SLC22A23: variants seen among roughly 807,000 people sequenced by gnomAD.
The protein encoded by SLC22A23 is ion transporter protein.
Under a neutral mutation model 61.0 loss-of-function variants are expected in SLC22A23, and 26 were observed. The observed-to-expected ratio is 0.43, with a 90% CI of 0.31 to 0.59. The LOEUF (loss-of-function observed/expected upper bound fraction) is 0.59, where lower values mean the gene tolerates loss of function less well. Ranked by LOEUF, SLC22A23 falls within the 20% of genes least tolerant of loss-of-function variation. The probability of loss-of-function intolerance (pLI) is 0.11; values close to 1 mark genes in which losing one functional copy is unlikely to be tolerated. For missense variants in SLC22A23, 796 were observed against 934.7 expected (o/e 0.85, Z 1.94); for synonymous variants, 430 against 413.9 (o/e 1.04, Z -0.47).
chr6:3,327,629 C>T lies in SLC22A23; in HGVS notation c.914-3627G>A, dbSNP rs1361314007. On this transcript the variant is annotated intron_variant, in intron 3 of 9. Transcript: ENST00000406686. This position sits in a 1 kb window ranked among gnomAD's most constrained non-coding sequence, Gnocchi z 4.1. ...TCAGTCAGTTAGGAGTTCTGTGCCT[C>T]AGTTTTTTTGTCTGCAAAATGGGGT... Among the ~76,000 whole-genome samples, 3 of 152,122 alleles carry T rather than the reference C, an allele frequency of 2.0e-5. No individual in the cohort carries two copies. The highest frequency in any genetic ancestry group is 7.2e-5 in the African/African-American group (3 of 41,414).
At chr6:3,346,781 A>G (rs1161993785) in intron 3 of SLC22A23, among the ~76,000 whole-genome samples, 2 of 152,100 alleles carry the variant, frequency 1.3e-5, no homozygotes, top group Non-Finnish European at 2.9e-5. Context: ...GCTCAGTCCT[A>G]CTAGAAATAG....
chr6:3,423,262 C>G (rs1467160509), intron 1 of SLC22A23, among the ~76,000 whole-genome samples: 1 of 151,314 alleles, frequency 6.6e-6, no homozygotes, highest in African/African-American at 2.4e-5. Context: ...GTAGGATTAT[C>G]TCTGAGGGAA....
At position 3,328,861 on chromosome 6, in the gene SLC22A23, G is replaced by A. The variant is rs1282876623; in HGVS notation, c.914-4859C>T. 1.3e-5 allele frequency among the ~76,000 whole-genome samples: 2 copies of A among 151,892 alleles called. No individual in the cohort carries two copies. The highest frequency in any genetic ancestry group is 2.9e-5 in the Non-Finnish European group (2 of 68,002). On this transcript the variant is annotated intron_variant, in intron 3 of 9. Coordinates refer to ENST00000406686, the MANE Select transcript of SLC22A23 (RefSeq NM_015482.2). This position sits in a 1 kb window ranked among gnomAD's most constrained non-coding sequence, Gnocchi z 5.0. ...CTGCCCATCACACAGGCTCACACGA[G>A]GCCTCCCGTGAAGCCCATCTCCGAA...
At chr6:3,341,329 T>G (rs1181681264) in intron 3 of SLC22A23, among the ~76,000 whole-genome samples, 1 of 152,246 alleles carries the variant, frequency 6.6e-6, no homozygotes, top group Admixed American at 6.5e-5. Flanking sequence ...CAAAAGATTT[T>G]GTTCCAAAAG....
chr6:3,307,997 C>T (rs945313772), intron 4 of SLC22A23, among the ~76,000 whole-genome samples: 15 of 152,140 alleles, frequency 9.9e-5, no homozygotes, highest in African/African-American at 3.4e-4. Flanking sequence ...AACACCTTGA[C>T]ATTCCACTCA....
rs1297363489 is a variant in SLC22A23 at position 3,387,290 on chromosome 6, G to A, written c.913+22898C>T. Among the ~76,000 whole-genome samples the A allele has an allele frequency of 6.6e-6, 1 of 152,206 alleles. No individual in the cohort carries two copies. Among genetic ancestry groups the A allele is most frequent in the Non-Finnish European group, 1.5e-5 (1 of 68,040 alleles). On this transcript the variant is annotated intron_variant, in intron 3 of 9. Transcript: ENST00000406686. This position sits in a 1 kb window ranked among gnomAD's most constrained non-coding sequence, Gnocchi z 5.0. Reference sequence around the variant, plus strand: ...ACGCTGACGTCAGAGCTCCTGCCTCGATACGACGCCATGAGCAGGGTGGTG... The same window carrying A: ...ACGCTGACGTCAGAGCTCCTGCCTCAATACGACGCCATGAGCAGGGTGGTG...
intron 1 of SLC22A23, among the ~76,000 whole-genome samples, chr6:3,433,427 A>G (rs921897009): frequency 6.6e-6 from 1 of 152,126 alleles, no homozygotes; most frequent in Non-Finnish European, 1.5e-5. Flanking sequence ...CCCCCTCCCC[A>G]CACTCCTCCC....
Position 3,329,778 on chromosome 6 carries a change from C to A in SLC22A23, c.914-5776G>T, listed in dbSNP as rs546868763. Among the ~76,000 whole-genome samples the A allele has an allele frequency of 9.5e-4, 144 of 152,330 alleles. No homozygotes were observed. The highest frequency in any genetic ancestry group is 1.6e-3 in the Non-Finnish European group (110 of 68,028). On this transcript the variant is annotated intron_variant, in intron 3 of 9. Transcript: ENST00000406686. This position sits in a 1 kb window ranked among gnomAD's most constrained non-coding sequence, Gnocchi z 4.8. Reference sequence around the variant, plus strand: ...GGCTTCCTATGTGTCGCTGGCCTCACAGACATGAGGCCACCCTGCTAAGCT... The same window carrying A: ...GGCTTCCTATGTGTCGCTGGCCTCAAAGACATGAGGCCACCCTGCTAAGCT...
At chr6:3,356,191 A>ACAGT (rs1561920628) in intron 3 of SLC22A23, among the ~76,000 whole-genome samples, 2 of 133,830 alleles carry the variant, frequency 1.5e-5, no homozygotes, top group Non-Finnish European at 3.2e-5. Flanking sequence ...GAAACATCTC[A>ACAGT]TAATCACGAA....
intron 3 of SLC22A23, among the ~76,000 whole-genome samples, chr6:3,392,365 G>C (rs1767719205): frequency 6.6e-6 from 1 of 152,338 alleles, no homozygotes; most frequent in South Asian, 2.1e-4. Context: ...ACTCCACTTT[G>C]TTTAAATCCC....
intron 3 of SLC22A23, among the ~76,000 whole-genome samples, chr6:3,349,276 G>C (rs887583354): frequency 6.6e-6 from 1 of 152,206 alleles, no homozygotes; most frequent in Non-Finnish European, 1.5e-5. Flanking sequence ...TGGGCAGTCA[G>C]AGCCCCAAAC....
intron 1 of SLC22A23, among the ~76,000 whole-genome samples, chr6:3,445,261 C>A (rs1771835857): frequency 6.6e-6 from 1 of 151,996 alleles, no homozygotes; most frequent in South Asian, 2.1e-4. Flanking sequence ...TGCAATGGCG[C>A]CATCTTGGCT....
At chr6:3,383,789 G>A (rs569362523) in intron 3 of SLC22A23, among the ~76,000 whole-genome samples, 1 of 152,350 alleles carries the variant, frequency 6.6e-6, no homozygotes, top group African/African-American at 2.4e-5. Context: ...AGGTGGGGGC[G>A]GGCGACGGGG....
chr6:3,349,717 G>A (rs1407377769), intron 3 of SLC22A23, among the ~76,000 whole-genome samples: 1 of 152,224 alleles, frequency 6.6e-6, no homozygotes, highest in African/African-American at 2.4e-5. Context: ...ATCTCAGGAG[G>A]TGGAAGAGCA....
intron 3 of SLC22A23, among the ~76,000 whole-genome samples, chr6:3,404,186 G>A (rs1472290990): frequency 6.6e-6 from 1 of 151,166 alleles, no homozygotes; most frequent in Non-Finnish European, 1.5e-5. Context: ...CCGAGTATTT[G>A]CTACTATTTT....
chr6:3,291,466 G>A (rs1322164252), intron 5 of SLC22A23: 1 of 152,228 alleles, frequency 6.6e-6, no homozygotes, highest in African/African-American at 2.4e-5. Context: ...CCTTTCACTT[G>A]TCTGAGGGAG....
chr6:3,450,014 G>GAA (rs777775681), intron 1 of SLC22A23, among the ~76,000 whole-genome samples: 3 of 152,134 alleles, frequency 2.0e-5, no homozygotes, highest in Non-Finnish European at 4.4e-5. Flanking sequence ...CAGCATAAGT[G>GAA]AAAAAACAGT....
intron 1 of SLC22A23, among the ~76,000 whole-genome samples, chr6:3,441,232 GC>G (rs1391173919): frequency 6.6e-6 from 1 of 152,176 alleles, no homozygotes; most frequent in Non-Finnish European, 1.5e-5. Flanking sequence ...CGCCTCAGGG[GC>G]TGGCTTGAGG....
rs147728356 is a variant in SLC22A23 at position 3,324,914 on chromosome 6, C to G, written c.914-912G>C. Among the ~76,000 whole-genome samples, 2 of 152,300 alleles carry G rather than the reference C, an allele frequency of 1.3e-5. No individual in the cohort carries two copies. Among genetic ancestry groups the G allele is most frequent in the Non-Finnish European group, 2.9e-5 (2 of 68,016 alleles). Reference sequence around the variant, plus strand: ...TAATCTGTGGCACCCAAGTGACAACCAATACAGACTTACTACTACGTGAAT... The same window carrying G: ...TAATCTGTGGCACCCAAGTGACAACGAATACAGACTTACTACTACGTGAAT... On this transcript the variant is annotated intron_variant, in intron 3 of 9. Transcript: ENST00000406686. This position sits in a 1 kb window ranked among gnomAD's most constrained non-coding sequence, Gnocchi z 4.3.
Sources: allele counts gnomAD v4.1 joint callset (sites outside exome capture counted in the v4.1 genomes callset), GRCh38; gene constraint gnomAD v4.1.1; non-coding constraint Gnocchi (gnomAD v3.1); transcripts MANE v1.5; gene names NCBI Gene and HGNC (gene_info 2026-07-23, HGNC 2026-07-21).